KLHL14: variants seen among roughly 807,000 people sequenced by gnomAD.
The protein encoded by KLHL14 is kelch-like protein 14.
KLHL14 carries 22 observed loss-of-function variants against 64.3 expected under a neutral mutation model. The observed-to-expected ratio is 0.34, with a 90% CI of 0.24 to 0.49. The LOEUF is 0.49. Among genes scored for constraint, KLHL14 ranks in the 20% least tolerant of loss-of-function variants. The pLI, the probability that KLHL14 is intolerant of heterozygous loss-of-function variation, is 0.99. For synonymous variants in KLHL14, 322 were observed against 333.4 expected (o/e 0.97, Z 0.37); for missense variants, 661 against 789.0 (o/e 0.84, Z 1.94).
chr18:32,745,846 T>C (rs577679765), intron 2 of KLHL14, among the ~76,000 whole-genome samples: 1 of 152,318 alleles, frequency 6.6e-6, no homozygotes, highest in African/African-American at 2.4e-5. Context: ...AACTTCAATT[T>C]GAAAACACCA....
intron 7 of KLHL14, among the ~76,000 whole-genome samples, chr18:32,678,851 A>G (rs139826973): frequency 6.6e-6 from 1 of 152,258 alleles, no homozygotes; most frequent in African/African-American, 2.4e-5. Flanking sequence ...ACTATTTCTC[A>G]TTTAGATTGT....
At chr18:32,720,938 A>G (rs1215422999) in intron 3 of KLHL14, among the ~76,000 whole-genome samples, 2 of 152,192 alleles carry the variant, frequency 1.3e-5, no homozygotes, top group Non-Finnish European at 2.9e-5. Context: ...CTCCTCTTCC[A>G]TAAGTCTTCC....
chr18:32,673,981 G>T lies in KLHL14; in HGVS notation c.*676C>A, dbSNP rs2049798325. On this transcript the variant is annotated 3_prime_UTR_variant, in exon 9 of 9. Transcript: ENST00000359358. ...CAGATAAAATTGAGGACACAGAAAT[G>T]ACGACTCTGTCTAGCCTAGAACCTA... is the stretch of plus-strand genomic sequence containing the variant. The T allele has an allele frequency of 6.6e-6, 1 of 152,142 alleles. No homozygotes were observed. Among genetic ancestry groups the T allele is most frequent in the South Asian group, 2.1e-4 (1 of 4,826 alleles). 9.4% of individuals were successfully genotyped at this position (152,142 alleles called of 1,614,324 possible). A position where few individuals can be genotyped will look rare whatever the true frequency, so the allele number is the denominator to read the frequency against.
At position 32,687,945 on chromosome 18, in the gene KLHL14, A is replaced by C. The variant is rs532728529; in HGVS notation, c.1160-712T>G. Among the ~76,000 whole-genome samples the C allele has an allele frequency of 2.0e-5, 3 of 152,318 alleles. No individual in the cohort carries two copies. The East Asian group carries it at 5.8e-4, about 29-fold the overall frequency. ...CTGTGTGTGTATTTGGGGGGAGCAC[A>C]GTTGCTGTGACATATACACAGGTGT... On this transcript the variant is annotated intron_variant, in intron 4 of 8. Coordinates refer to ENST00000359358, the MANE Select transcript of KLHL14 (RefSeq NM_020805.3).
At chr18:32,733,969 G>A (rs1420393895) in intron 3 of KLHL14, 8 of 575,170 alleles carry the variant, frequency 1.4e-5, no homozygotes, top group Admixed American at 5.9e-5. Flanking sequence ...TATTCATTCC[G>A]GGTCAAGAGG....
intron 4 of KLHL14, among the ~76,000 whole-genome samples, chr18:32,694,286 A>G (rs2049926537): frequency 6.6e-6 from 1 of 152,242 alleles, no homozygotes; most frequent in African/African-American, 2.4e-5. Flanking sequence ...TGCTCCTTCC[A>G]GTTCAAATCA....
chr18:32,693,257 G>C (rs1349836496), intron 4 of KLHL14, among the ~76,000 whole-genome samples: 1 of 152,040 alleles, frequency 6.6e-6, no homozygotes, highest in Admixed American at 6.6e-5. Context: ...GGTGAGCCCA[G>C]CCCATGGTCC....
rs1317753262 is a variant in KLHL14 at position 32,683,375 on chromosome 18, A to G, written c.1239-2776T>C. ...CTTTGACTTATTCCCTTGCATGACC[A>G]AAGTGAGAGTTCCTGAAATGCATTT... On this transcript the variant is annotated intron_variant, in intron 5 of 8. Transcript: ENST00000359358. This position sits in a 1 kb window ranked among gnomAD's most constrained non-coding sequence, Gnocchi z 4.2. Among the ~76,000 whole-genome samples, 1 of 152,200 alleles carries G rather than the reference A, an allele frequency of 6.6e-6. No homozygotes were observed. Among genetic ancestry groups the G allele is most frequent in the East Asian group, 1.9e-4 (1 of 5,200 alleles).
At chr18:32,692,612 T>G (rs527369274) in intron 4 of KLHL14, among the ~76,000 whole-genome samples, 1 of 152,302 alleles carries the variant, frequency 6.6e-6, no homozygotes, top group South Asian at 2.1e-4. Context: ...GGAGCCACTA[T>G]CCATGTGATC....
At chr18:32,735,163 C>T (rs1215112041) in intron 3 of KLHL14, among the ~76,000 whole-genome samples, 3 of 152,100 alleles carry the variant, frequency 2.0e-5, no homozygotes, top group African/African-American at 2.4e-5. Flanking sequence ...TTTAGATTTT[C>T]GTGGGTGAAA....
At chr18:32,761,448 G>C (rs917276195) in intron 2 of KLHL14, among the ~76,000 whole-genome samples, 1 of 142,236 alleles carries the variant, frequency 7.0e-6, no homozygotes, top group Non-Finnish European at 1.5e-5. Flanking sequence ...TTTCTGCCCA[G>C]GAGTTTTGCA....
intron 3 of KLHL14, among the ~76,000 whole-genome samples, chr18:32,726,151 T>C (rs6506986): frequency 0.31 from 46,451 of 152,188 alleles, 7,453 homozygotes; most frequent in African/African-American, 0.4. Flanking sequence ...AATAAAGTCA[T>C]ACTGGAACAC....
At chr18:32,691,428 C>T (rs1387251433) in intron 4 of KLHL14, among the ~76,000 whole-genome samples, 2 of 152,106 alleles carry the variant, frequency 1.3e-5, no homozygotes, top group Admixed American at 6.6e-5. Flanking sequence ...CCTGTAGTCC[C>T]AGCTACTCAG....
chr18:32,756,221 G>C (rs936877770), intron 2 of KLHL14, among the ~76,000 whole-genome samples: 3 of 152,188 alleles, frequency 2.0e-5, no homozygotes, highest in African/African-American at 7.2e-5. Flanking sequence ...TCCTCTGCAT[G>C]TAAGCACAGA....
chr18:32,742,618 C>T (rs1371711262), intron 2 of KLHL14, among the ~76,000 whole-genome samples: 1 of 152,130 alleles, frequency 6.6e-6, no homozygotes, highest in African/African-American at 2.4e-5. Flanking sequence ...TTAGCTTAGA[C>T]TTCTGCCTTC....
intron 3 of KLHL14, among the ~76,000 whole-genome samples, chr18:32,710,728 A>G (rs993291840): frequency 6.6e-6 from 1 of 152,196 alleles, no homozygotes; most frequent in Non-Finnish European, 1.5e-5. Flanking sequence ...GTCTTGGAAA[A>G]TAACTACAGG....
At chr18:32,737,597 G>A (rs1435681922) in intron 3 of KLHL14, 1 of 152,130 alleles carries the variant, frequency 6.6e-6, no homozygotes. Flanking sequence ...TTTTTCAAAA[G>A]TGTGAAGAAT....
At chr18:32,734,198 G>A in intron 3 of KLHL14, 1 of 702,838 alleles carries the variant, frequency 1.4e-6, no homozygotes, top group Non-Finnish European at 2.6e-6. Flanking sequence ...CTGAACTCTG[G>A]TGAGCTTGCA....
rs75998987 is a variant in KLHL14, at chr18:32,728,138, A to G, written c.1069+13790T>C. On this transcript the variant is annotated intron_variant, in intron 3 of 8. Coordinates refer to ENST00000359358, the MANE Select transcript of KLHL14 (RefSeq NM_020805.3). ...CATATTTAGGATGCTGGTATATTCT[A>G]TTTGTGCAGAGGATGTTCAATTTGA... Among the ~76,000 whole-genome samples the G allele has an allele frequency of 3.8e-3, 581 of 152,310 alleles. 4 individuals carry two copies. The highest frequency in any genetic ancestry group is 0.013 in the African/African-American group (559 of 41,570).
Sources: allele counts gnomAD v4.1 joint callset (sites outside exome capture counted in the v4.1 genomes callset), GRCh38; gene constraint gnomAD v4.1.1; non-coding constraint Gnocchi (gnomAD v3.1); transcripts MANE v1.5; gene names NCBI Gene and HGNC (gene_info 2026-07-23, HGNC 2026-07-21).